The following ABTB3 variants were observed in gnomAD, a reference collection of about 807,000 sequenced individuals.
The protein encoded by ABTB3 is ankyrin repeat- and BTB/POZ domain-containing protein 3.
At chr12:107,341,780 C>T in the ABTB3 span, among the ~76,000 whole-genome samples, 1 of 152,046 alleles carries the variant, frequency 6.6e-6, no homozygotes, top group South Asian at 2.1e-4. Context: ...TGTTTCGATC[C>T]CTGTTGGTTT....
the ABTB3 span, among the ~76,000 whole-genome samples, chr12:107,637,735 G>A: frequency 2.6e-5 from 4 of 151,838 alleles, no homozygotes; most frequent in South Asian, 2.1e-4. Context: ...TGAATTCAGC[G>A]CTAGACAATA....
chr12:107,496,953 C>T, the ABTB3 span, among the ~76,000 whole-genome samples: 58 of 152,306 alleles, frequency 3.8e-4, no homozygotes, highest in African/African-American at 1.3e-3. Flanking sequence ...TTCTGTTCCA[C>T]TTACCCTCTA....
At chr12:107,369,120 CT>C in the ABTB3 span, among the ~76,000 whole-genome samples, 1 of 151,846 alleles carries the variant, frequency 6.6e-6, no homozygotes, top group Non-Finnish European at 1.5e-5. Context: ...ACTTTTTTTT[CT>C]TTTTGCTTTT....
chr12:107,442,290 G>T, the ABTB3 span, among the ~76,000 whole-genome samples: 1 of 152,124 alleles, frequency 6.6e-6, no homozygotes. Flanking sequence ...AGTAATTCGG[G>T]TCCTATTAGA....
chr12:107,545,553 T>C, the ABTB3 span, among the ~76,000 whole-genome samples: 5 of 152,182 alleles, frequency 3.3e-5, no homozygotes, highest in African/African-American at 1.2e-4. Flanking sequence ...ACTTCTTCTT[T>C]TTATTTAAGA....
chr12:107,416,035 G>A, the ABTB3 span, among the ~76,000 whole-genome samples: 1 of 152,182 alleles, frequency 6.6e-6, no homozygotes, highest in Admixed American at 6.5e-5. Flanking sequence ...TGGGAGGTTG[G>A]AAAAATTCTG....
At chr12:107,408,844 T>C in the ABTB3 span, among the ~76,000 whole-genome samples, 1 of 152,232 alleles carries the variant, frequency 6.6e-6, no homozygotes, top group African/African-American at 2.4e-5. Flanking sequence ...TTAACTGAGA[T>C]TGAACCTTGC....
chr12:107,625,871 GC>G, the ABTB3 span, among the ~76,000 whole-genome samples: 1 of 152,206 alleles, frequency 6.6e-6, no homozygotes, highest in African/African-American at 2.4e-5. Context: ...TTGCAGCCTG[GC>G]AAGAGTAGAA....
At chr12:107,520,587 C>T in the ABTB3 span, 2 of 1,614,224 alleles carry the variant, frequency 1.2e-6, no homozygotes, top group African/African-American at 2.7e-5. Flanking sequence ...AGCTGAGGAC[C>T]ATCGAGCAGT....
chr12:107,384,147 T>C, the ABTB3 span, among the ~76,000 whole-genome samples: 1 of 152,226 alleles, frequency 6.6e-6, no homozygotes, highest in Non-Finnish European at 1.5e-5. Context: ...GGACATTTGC[T>C]GAGCACCAAG....
chr12:107,430,455 TA>T, the ABTB3 span, among the ~76,000 whole-genome samples: 1 of 152,240 alleles, frequency 6.6e-6, no homozygotes, highest in African/African-American at 2.4e-5. Context: ...ATTTATACTC[TA>T]ATAATCAGTG....
the ABTB3 span, among the ~76,000 whole-genome samples, chr12:107,391,900 A>G: frequency 6.6e-6 from 1 of 152,164 alleles, no homozygotes; most frequent in Non-Finnish European, 1.5e-5. Flanking sequence ...GGTGCATAGC[A>G]TTCAATAGTT....
At chr12:107,368,225 TCAA>T in the ABTB3 span, among the ~76,000 whole-genome samples, 4 of 152,154 alleles carry the variant, frequency 2.6e-5, no homozygotes, top group Non-Finnish European at 5.9e-5. Flanking sequence ...CCTCCACCAT[TCAA>T]CACGGCAGAG....
the ABTB3 span, among the ~76,000 whole-genome samples, chr12:107,576,376 C>A: frequency 6.6e-6 from 1 of 152,156 alleles, no homozygotes; most frequent in East Asian, 1.9e-4. Context: ...AGGCTGGAAG[C>A]CCCAGATCAA....
At chr12:107,625,981 C>T in the ABTB3 span, among the ~76,000 whole-genome samples, 12 of 152,148 alleles carry the variant, frequency 7.9e-5, 1 homozygote, top group South Asian at 8.3e-4. Context: ...AAGTTTCCTG[C>T]CTTCTAGGCT....
chr12:107,508,443 T>TTTTTTGTTTTG, the ABTB3 span, among the ~76,000 whole-genome samples: 18 of 74,938 alleles, frequency 2.4e-4, no homozygotes, highest in East Asian at 1.6e-3. Context: ...CATTTCTTTT[T>TTTTTTGTTTTG]TTTTTTTTTT....
At chr12:107,580,946 C>T in the ABTB3 span, 41 of 1,551,528 alleles carry the variant, frequency 2.6e-5, no homozygotes, top group African/African-American at 4.4e-4. Context: ...AGAGCCTGCC[C>T]CGGGGTCACC....
the ABTB3 span, chr12:107,520,661 T>C: frequency 6.2e-7 from 1 of 1,612,966 alleles, no homozygotes; most frequent in Non-Finnish European, 8.5e-7. Flanking sequence ...GTTCTCCAGC[T>C]CTCATGCCTC....
At chr12:107,468,914 C>G in the ABTB3 span, among the ~76,000 whole-genome samples, 1 of 152,126 alleles carries the variant, frequency 6.6e-6, no homozygotes, top group Non-Finnish European at 1.5e-5. Flanking sequence ...GGTCACACAA[C>G]CATTCCGTGC....
Sources: gnomAD v4.1 joint callset for allele counts (sites outside exome capture counted in the v4.1 genomes callset) on GRCh38, gnomAD v4.1.1 for gene constraint, MANE v1.5 for transcripts, NCBI Gene and HGNC (gene_info 2026-07-23, HGNC 2026-07-21) for gene names.